Variants in C10orf53 observed in about 807,000 individuals in gnomAD.
C10orf53 encodes chromosome 10 open reading frame 53.
Under a neutral mutation model 9.4 loss-of-function variants are expected in C10orf53, and 8 were observed. That is an observed-to-expected ratio of 0.85 (90% CI 0.50 to 1.53). C10orf53 has a LOEUF of 1.53. Ranked by LOEUF, C10orf53 falls within the 40% of genes most tolerant of loss-of-function variation. The pLI is 0.00. For synonymous variants in C10orf53, 48 were observed against 46.0 expected (o/e 1.04, Z -0.18); for missense variants, 117 against 117.8 (o/e 0.99, Z 0.03).
chr10:49,691,126 C>G (rs1431616881), intron 1 of C10orf53, among the ~76,000 whole-genome samples: 2 of 152,218 alleles, frequency 1.3e-5, no homozygotes, highest in Non-Finnish European at 2.9e-5. Flanking sequence ...CTTTCTTTGA[C>G]TAGACAACCC....
Position 49,697,030 on chromosome 10 carries a change from A to G in C10orf53, c.*2428A>G, listed in dbSNP as rs557043276. Among the ~76,000 whole-genome samples the G allele has an allele frequency of 4.6e-5, 7 of 152,102 alleles. 1 individual carries two copies. The South Asian group carries it at 1.5e-3, about 32-fold the overall frequency. ...CAACATGGTGAAGCCTCATCTCTAC[A>G]AAAAATACAAAAATTAGCCAGGCCT... On this transcript the variant is annotated 3_prime_UTR_variant, in exon 3 of 3. Coordinates refer to ENST00000374111, the MANE Select transcript of C10orf53 (RefSeq NM_001042427.3).
At chr10:49,690,177 G>C (rs1488578123) in intron 1 of C10orf53, among the ~76,000 whole-genome samples, 1 of 152,144 alleles carries the variant, frequency 6.6e-6, no homozygotes, top group Non-Finnish European at 1.5e-5. Flanking sequence ...AAGAGCAAGA[G>C]GAGCATTTTT....
intron 1 of C10orf53, among the ~76,000 whole-genome samples, chr10:49,692,385 C>T (rs1564505794): frequency 6.6e-6 from 1 of 152,248 alleles, no homozygotes; most frequent in East Asian, 1.9e-4. Flanking sequence ...ATTAAAATCG[C>T]GCAATTAAAA....
rs138843449 is a variant in C10orf53 at position 49,682,302 on chromosome 10, G to A, written c.97+2508G>A. Reference sequence around the variant, plus strand: ...TTCCTTCTGGTGGGTTCATGGTCTCGCTGACTTCAAGAATGAAGCCAGGGA... The same window carrying A: ...TTCCTTCTGGTGGGTTCATGGTCTCACTGACTTCAAGAATGAAGCCAGGGA... On this transcript the variant is annotated intron_variant, in intron 1 of 2. Transcript: ENST00000374111. 7.2e-3 allele frequency among the ~76,000 whole-genome samples: 1,102 copies of A among 152,154 alleles called. 17 individuals carry two copies. The highest frequency in any genetic ancestry group is 0.025 in the African/African-American group (1,037 of 41,504).
chr10:49,698,128 A>G (rs79892629), downstream of C10orf53, among the ~76,000 whole-genome samples: 205 of 152,210 alleles, frequency 1.3e-3, no homozygotes, highest in African/African-American at 4.6e-3. Context: ...TCATCTCTAC[A>G]AAAAGTAAAA....
chr10:49,685,683 G>C (rs910903045), intron 1 of C10orf53, among the ~76,000 whole-genome samples: 1 of 152,080 alleles, frequency 6.6e-6, no homozygotes, highest in African/African-American at 2.4e-5. Context: ...TGGCCTCCAT[G>C]GATTCTGATG....
At chr10:49,694,186 T>C in intron 2 of C10orf53, 1 of 585,364 alleles carries the variant, frequency 1.7e-6, no homozygotes, top group Non-Finnish European at 3.0e-6. Context: ...AATAGGTTTT[T>C]GTACTTTAAT....
intron 1 of C10orf53, among the ~76,000 whole-genome samples, 184 bp from the exon 2 acceptor site, chr10:49,693,590 G>T (rs1204871910): frequency 2.0e-5 from 3 of 152,212 alleles, no homozygotes; most frequent in African/African-American, 7.2e-5. Context: ...GCCTCTGGCT[G>T]TGCTTCCCAG....
intron 1 of C10orf53, among the ~76,000 whole-genome samples, chr10:49,683,296 A>G (rs1482188028): frequency 6.6e-6 from 1 of 152,172 alleles, no homozygotes. Context: ...ACATCTTTTC[A>G]TGTGCTTATT....
At position 49,695,505 on chromosome 10, in the gene C10orf53, A is replaced by G. The variant is rs1288512977; in HGVS notation, c.*903A>G. The G allele has an allele frequency of 2.0e-5, 3 of 152,390 alleles. No individual in the cohort carries two copies. The highest frequency in any genetic ancestry group is 1.5e-5 in the Non-Finnish European group (1 of 68,052). The allele number at this position is 152,390 out of a possible 1,614,324, so 9.4% of individuals were successfully genotyped here. On this transcript the variant is annotated 3_prime_UTR_variant, in exon 3 of 3. Transcript: ENST00000374111. ...CGGGGAGAAAACCAGATTCCCTAAC[A>G]GAAAACTCTGGACCCGGGGCACCTG... is the stretch of plus-strand genomic sequence containing the variant.
intron 2 of C10orf53, among the ~76,000 whole-genome samples, chr10:49,707,768 AAT>A (rs1281001238): frequency 6.6e-6 from 1 of 152,110 alleles, no homozygotes; most frequent in Non-Finnish European, 1.5e-5. Flanking sequence ...GCCGCATTTG[AAT>A]AGTGTGTGCT....
At position 49,694,267 on chromosome 10, in the gene C10orf53, T is replaced by TA. The variant is rs143045508; in HGVS notation, c.218-269dup. 9.6e-3 allele frequency: 5,658 copies of TA among 590,536 alleles called. 101 individuals carry two copies. The highest frequency in any genetic ancestry group is 0.049 in the East Asian group (1,726 of 35,458). 36.6% of individuals were successfully genotyped at this position (590,536 alleles called of 1,614,324 possible). A position where few individuals can be genotyped will look rare whatever the true frequency, so the allele number is the denominator to read the frequency against. On this transcript the variant is annotated intron_variant, in intron 2 of 2. Coordinates refer to ENST00000374111, the MANE Select transcript of C10orf53 (RefSeq NM_001042427.3). ...ACTTGTTTATTCTATCTAGACTTGC[T>TA]AAGACACTGAGTTGATATGCCAGCA...
At chr10:49,707,733 G>C (rs1263389549) in intron 2 of C10orf53, among the ~76,000 whole-genome samples, 1 of 152,104 alleles carries the variant, frequency 6.6e-6, no homozygotes, top group Non-Finnish European at 1.5e-5. Context: ...GCAAGCAGTG[G>C]AGTGGCATGG....
chr10:49,686,814 C>T (rs566604451), intron 1 of C10orf53, among the ~76,000 whole-genome samples: 4 of 152,322 alleles, frequency 2.6e-5, no homozygotes, highest in African/African-American at 9.6e-5. Flanking sequence ...GGGACATAGA[C>T]TCTCATCAGT....
intron 1 of C10orf53, among the ~76,000 whole-genome samples, chr10:49,692,701 A>T (rs1362438306): frequency 6.6e-6 from 1 of 152,244 alleles, no homozygotes; most frequent in Non-Finnish European, 1.5e-5. Flanking sequence ...GGAGAAATAC[A>T]TTGGAAAAAA....
At chr10:49,691,665 G>C (rs1242991488) in intron 1 of C10orf53, among the ~76,000 whole-genome samples, 8 of 152,166 alleles carry the variant, frequency 5.3e-5, no homozygotes, top group African/African-American at 1.9e-4. Flanking sequence ...ATCAATTCCT[G>C]TTTCTGAGCT....
chr10:49,696,097 T>C lies in C10orf53; in HGVS notation c.*1495T>C, dbSNP rs1266924578. On this transcript the variant is annotated 3_prime_UTR_variant, in exon 3 of 3. Coordinates refer to ENST00000374111, the MANE Select transcript of C10orf53 (RefSeq NM_001042427.3). Reference sequence around the variant, plus strand: ...TTATGTCTGAATATTCATAAAGAGATAGACATATAGAAATTGACTTCATCC... The same window carrying C: ...TTATGTCTGAATATTCATAAAGAGACAGACATATAGAAATTGACTTCATCC... 6.6e-6 allele frequency: 1 copy of C among 152,220 alleles called. No homozygotes were observed. Among genetic ancestry groups the C allele is most frequent in the Admixed American group, 6.5e-5 (1 of 15,290 alleles). 9.4% of individuals were successfully genotyped at this position (152,220 alleles called of 1,614,324 possible).
chr10:49,708,311 C>G (rs1338847546), intron 2 of C10orf53: 11 of 1,595,950 alleles, frequency 6.9e-6, no homozygotes, highest in Admixed American at 1.7e-5. Flanking sequence ...CAGCAGGACT[C>G]TGTCTCCATC....
chr10:49,703,863 A>G (rs1840704287), intron 2 of C10orf53, among the ~76,000 whole-genome samples: 1 of 152,258 alleles, frequency 6.6e-6, no homozygotes, highest in South Asian at 2.1e-4. Context: ...ATATTGAAAT[A>G]TGAACAATAG....
Sources: allele counts gnomAD v4.1 joint callset (sites outside exome capture counted in the v4.1 genomes callset), GRCh38; gene constraint gnomAD v4.1.1; transcripts MANE v1.5; gene names NCBI Gene and HGNC (gene_info 2026-07-23, HGNC 2026-07-21).